Variants in BNIP5 observed in about 807,000 individuals in gnomAD.
BNIP5 encodes protein BNIP5.
In BNIP5, 61 loss-of-function variants were observed where a neutral mutation model predicts 67.3. The ratio of observed to expected loss-of-function variants is 0.91; its 90% CI spans 0.74 to 1.12. The LOEUF (loss-of-function observed/expected upper bound fraction) is 1.12, where lower values mean the gene tolerates loss of function less well. BNIP5 is among the 50% of genes most tolerant of loss of function. The probability of loss-of-function intolerance (pLI) is 0.00; values close to 1 mark genes in which losing one functional copy is unlikely to be tolerated. For missense variants in BNIP5, 826 were observed against 816.3 expected (o/e 1.01, Z -0.14); for synonymous variants, 317 against 319.0 (o/e 0.99, Z 0.07).
At chr6:36,325,262 G>T in intron 6 of BNIP5, 21 bp downstream of exon 6, 1 of 1,613,322 alleles carries the variant, frequency 6.2e-7, no homozygotes, top group Non-Finnish European at 8.5e-7. Flanking sequence ...GGGTGTCTGA[G>T]AAAAAGAGAG....
chr6:36,326,950 G>A, intron 4 of BNIP5, 80 bp downstream of exon 4: 1 of 1,454,400 alleles, frequency 6.9e-7, no homozygotes, highest in Non-Finnish European at 9.7e-7. Flanking sequence ...AGCCCGGCCT[G>A]CAAGGACAGG....
intron 1 of BNIP5, among the ~76,000 whole-genome samples, chr6:36,336,003 G>A (rs961830140): frequency 2.0e-5 from 3 of 152,078 alleles, no homozygotes; most frequent in Middle Eastern, 3.4e-3. Flanking sequence ...ACACAATCAC[G>A]TGTGCCTAGG....
chr6:36,332,833 T>C (rs373024698), intron 1 of BNIP5, among the ~76,000 whole-genome samples: 1 of 152,222 alleles, frequency 6.6e-6, no homozygotes, highest in South Asian at 2.1e-4. Flanking sequence ...AGAAGGCCTC[T>C]TCCCTTCAGT....
In BNIP5 at chr6:36,326,563, C is replaced by T. The variant is rs1352273226; in HGVS notation, c.983G>A (p.Ser328Asn). Residue 328 changes from serine to asparagine, a missense_variant, in exon 5 of 12, where the codon AGC becomes AAC. By Grantham distance (46) the Ser-to-Asn change is conservative. Transcript: ENST00000437635. ...SPEAWPPKKS[S>N]FLPLCVSGHR... The stretch of plus-strand genomic sequence containing the variant: ...GCCGCTGACACACAGGGGCAGAAAG[C>T]TGGACTTCTTGGGTGGCCAGGCCTC... 2.5e-6 allele frequency: 4 copies of T among 1,614,130 alleles called. No individual in the cohort carries two copies. The highest frequency in any genetic ancestry group is 4.5e-5 in the East Asian group (2 of 44,896).
chr6:36,325,748 T>C (rs1014775840), intron 5 of BNIP5, among the ~76,000 whole-genome samples: 7 of 152,066 alleles, frequency 4.6e-5, no homozygotes, highest in African/African-American at 1.4e-4. Flanking sequence ...TGCATGAAAA[T>C]ATCTCCCCAT....
At chr6:36,326,802 G>A in intron 4 of BNIP5, 49 bp from the exon 5 acceptor site, 1 of 1,608,558 alleles carries the variant, frequency 6.2e-7, no homozygotes, top group Non-Finnish European at 8.5e-7. Context: ...ACTGAGAGGG[G>A]GAAAGCTCTC....
At chr6:36,334,246 G>A (rs574679313) in intron 1 of BNIP5, among the ~76,000 whole-genome samples, 39 of 152,292 alleles carry the variant, frequency 2.6e-4, no homozygotes, top group Non-Finnish European at 4.0e-4. Context: ...CTGAGCCCCC[G>A]GGGAGATGAG....
Position 36,323,314 on chromosome 6 carries a change from G to A in BNIP5, c.1450C>T (p.Pro484Ser). 3 of 1,614,242 alleles carry A rather than the reference G, an allele frequency of 1.9e-6. No individual in the cohort carries two copies. Among genetic ancestry groups the A allele is most frequent in the Non-Finnish European group, 2.5e-6 (3 of 1,180,048 alleles). ...TCACCAAGGCTGCTGGAGGTGGAGG[G>A]CCGATGGCCACCAACACACAGGGGC... ...FLPLCVGGHR[P>S]STSSSLDPED... Residue 484 changes from proline (P) to serine (S), a missense_variant, in exon 8 of 12, where the codon CCC becomes TCC. Physicochemically the swap from Pro to Ser is moderately conservative, Grantham distance 74. Transcript: ENST00000437635.
chr6:36,335,091 G>C (rs1462595342), intron 1 of BNIP5, among the ~76,000 whole-genome samples: 1 of 152,208 alleles, frequency 6.6e-6, no homozygotes, highest in Admixed American at 6.5e-5. Context: ...TCCAGCAACA[G>C]CAACAAAGAA....
intron 1 of BNIP5, among the ~76,000 whole-genome samples, chr6:36,332,004 A>G (rs1457211086): frequency 3.3e-5 from 5 of 152,064 alleles, no homozygotes; most frequent in African/African-American, 1.2e-4. Flanking sequence ...CCCTCCTTAC[A>G]GTAACTTCTC....
intron 2 of BNIP5, 117 bp from the exon 3 acceptor site, chr6:36,328,831 G>C: frequency 1.4e-6 from 1 of 730,790 alleles, no homozygotes; most frequent in Non-Finnish European, 2.5e-6. Flanking sequence ...AGTGCAACAG[G>C]TGCTGCTGCA....
intron 10 of BNIP5, 30 bp from the exon 11 acceptor site, chr6:36,319,640 G>C (rs760491286): frequency 3.8e-6 from 6 of 1,596,542 alleles, no homozygotes; most frequent in Non-Finnish European, 5.1e-6. Flanking sequence ...CAGGTCATTA[G>C]TGTTGCTGGC....
rs780486643 is a variant in BNIP5, at chr6:36,326,670, G to A, written c.876C>T (p.Ser292=). 5.0e-6 allele frequency: 8 copies of A among 1,614,242 alleles called. No individual in the cohort carries two copies. Among genetic ancestry groups the A allele is most frequent in the Non-Finnish European group, 5.1e-6 (6 of 1,180,052 alleles). The change falls in exon 5 of 12, where the codon AGC becomes AGT. Residue 292 remains serine, a synonymous_variant. Coordinates refer to ENST00000437635, the MANE Select transcript of BNIP5 (RefSeq NM_001010903.5). ...VRKKSQEKKT[S]LKRTSKTNPK... ...GGTTTGTCTTTGAGGTTCTCTTGAG[G>A]CTTGTCTTTTTCTCTTGGGATTTCT... is the stretch of plus-strand genomic sequence containing the variant.
intron 2 of BNIP5, 95 bp from the exon 3 acceptor site, chr6:36,328,809 C>T: frequency 1.2e-6 from 1 of 800,800 alleles, no homozygotes; most frequent in Non-Finnish European, 2.2e-6. Context: ...GAGAAAACAG[C>T]ACAGAATTCA....
chr6:36,319,796 C>T (rs1771597133), intron 10 of BNIP5, among the ~76,000 whole-genome samples, 186 bp from the exon 11 acceptor site: 1 of 152,192 alleles, frequency 6.6e-6, no homozygotes, highest in Non-Finnish European at 1.5e-5. Context: ...CTCAAAGCAG[C>T]AGGACAAAGT....
At chr6:36,336,291 A>G (rs1582141400) in intron 1 of BNIP5, among the ~76,000 whole-genome samples, 1 of 152,184 alleles carries the variant, frequency 6.6e-6, no homozygotes, top group African/African-American at 2.4e-5. Context: ...GTACCTTCAC[A>G]TAAAGTCTAT....
rs1771515265 is a variant in BNIP5 at position 36,316,381 on chromosome 6, C to G, written c.*975G>C. 2.5e-6 allele frequency: 1 copy of G among 397,670 alleles called. No individual in the cohort carries two copies. Among genetic ancestry groups the G allele is most frequent in the Non-Finnish European group, 4.4e-6 (1 of 225,972 alleles). 24.6% of individuals were successfully genotyped at this position (397,670 alleles called of 1,614,324 possible). On this transcript the variant is annotated 3_prime_UTR_variant, in exon 12 of 12. Coordinates refer to ENST00000437635, the MANE Select transcript of BNIP5 (RefSeq NM_001010903.5). ...TTGAGCTATACAGAAGGCAGAGCCT[C>G]TGGCACCCCCACACTTCACCTTTGT...
In BNIP5 at chr6:36,335,040, A is replaced by C. The variant is rs78031415; in HGVS notation, c.-5+1672T>G. On this transcript the variant is annotated intron_variant, in intron 1 of 11. Transcript: ENST00000437635. ...AATACCCAAGTGATCTGCACATCAC[A>C]AGACTGCTTCTGATAAGATGTGACA... Among the ~76,000 whole-genome samples, 527 of 152,344 alleles carry C rather than the reference A, an allele frequency of 3.5e-3. 1 individual carries two copies. Among genetic ancestry groups the C allele is most frequent in the Non-Finnish European group, 5.7e-3 (387 of 68,028 alleles).
rs1771541636 is a variant in BNIP5, at chr6:36,317,269, G to T, written c.*87C>A. 9.9e-7 allele frequency: 1 copy of T among 1,010,298 alleles called. No homozygotes were observed. Among genetic ancestry groups the T allele is most frequent in the Non-Finnish European group, 1.6e-6 (1 of 628,508 alleles). The allele number at this position is 1,010,298 out of a possible 1,614,324, so 62.6% of individuals were successfully genotyped here. ...ATCACGTTTGTGAAGCAGGGATTGG[G>T]ACATCACAGAGCATCTTCAGGGTCT... On this transcript the variant is annotated 3_prime_UTR_variant, in exon 12 of 12. Coordinates refer to ENST00000437635, the MANE Select transcript of BNIP5 (RefSeq NM_001010903.5).
Sources: gnomAD v4.1 joint callset for allele counts (sites outside exome capture counted in the v4.1 genomes callset) on GRCh38, gnomAD v4.1.1 for gene constraint, MANE v1.5 for transcripts, NCBI Gene and HGNC (gene_info 2026-07-23, HGNC 2026-07-21) for gene names.